Variants in FCHSD2 observed in about 807,000 individuals in gnomAD.
FCHSD2 encodes FCH and double SH3 domains 2, also known as F-BAR and double SH3 domains protein 2.
A neutral mutation model predicts 108.1 loss-of-function variants in FCHSD2; 38 were observed. The observed-to-expected ratio is 0.35, with a 90% CI of 0.27 to 0.46. The LOEUF is 0.46. FCHSD2 is among the 20% of genes least tolerant of loss of function. FCHSD2 has a pLI of 1.00. For synonymous variants in FCHSD2, 279 were observed against 314.7 expected, an observed-to-expected ratio of 0.89 and a Z score of 1.20; for missense variants, 751 against 897.8, an observed-to-expected ratio of 0.84 and a Z score of 2.09.
At chr11:72,961,927 T>C (rs1207453945) in intron 8 of FCHSD2, among the ~76,000 whole-genome samples, 1 of 152,138 alleles carries the variant, frequency 6.6e-6, no homozygotes, top group Non-Finnish European at 1.5e-5. Flanking sequence ...AAGAAAGCTC[T>C]TGGAGAAAAG....
intron 8 of FCHSD2, among the ~76,000 whole-genome samples, chr11:72,978,622 G>T (rs181574020): frequency 6.6e-6 from 1 of 152,140 alleles, no homozygotes; most frequent in East Asian, 1.9e-4. Context: ...TTATAGGAGC[G>T]ATTTCCCTGA....
chr11:72,910,589 G>A (rs1040633513), intron 9 of FCHSD2, among the ~76,000 whole-genome samples: 4 of 152,114 alleles, frequency 2.6e-5, no homozygotes, highest in East Asian at 3.9e-4. Context: ...TAAGGGTGGT[G>A]CAAGATGTGC....
chr11:72,904,205 G>T (rs1266996575), intron 9 of FCHSD2, among the ~76,000 whole-genome samples: 2 of 152,146 alleles, frequency 1.3e-5, no homozygotes, highest in African/African-American at 4.8e-5. Flanking sequence ...AATGTACTTT[G>T]TTCTCTTCTT....
At chr11:73,080,359 T>A (rs1168431696) in intron 3 of FCHSD2, among the ~76,000 whole-genome samples, 1 of 151,640 alleles carries the variant, frequency 6.6e-6, no homozygotes, top group African/African-American at 2.4e-5. Flanking sequence ...AAATTTGACT[T>A]TAACTTTGAC....
chr11:73,105,271 G>A (rs1860316505), intron 2 of FCHSD2, among the ~76,000 whole-genome samples: 1 of 152,120 alleles, frequency 6.6e-6, no homozygotes, highest in Non-Finnish European at 1.5e-5. Context: ...AAAAGGTGGT[G>A]ATAAAAATGA....
At chr11:73,092,805 G>C (rs557111516) in intron 2 of FCHSD2, among the ~76,000 whole-genome samples, 1 of 152,164 alleles carries the variant, frequency 6.6e-6, no homozygotes, top group African/African-American at 2.4e-5. Context: ...GGAGGGCATC[G>C]GAGTATACAG....
intron 13 of FCHSD2, among the ~76,000 whole-genome samples, chr11:72,860,276 A>C (rs1861535424): frequency 6.6e-6 from 1 of 152,210 alleles, no homozygotes; most frequent in African/African-American, 2.4e-5. Context: ...ACTATAACCA[A>C]CCTGACTTAA....
chr11:72,847,913 G>A (rs1861189267), intron 14 of FCHSD2, among the ~76,000 whole-genome samples: 1 of 151,944 alleles, frequency 6.6e-6, no homozygotes, highest in Admixed American at 6.6e-5. Flanking sequence ...GGCCAGTCTT[G>A]AACTCCTAAC....
chr11:73,035,284 C>G (rs977603665), intron 3 of FCHSD2, among the ~76,000 whole-genome samples: 2 of 152,122 alleles, frequency 1.3e-5, no homozygotes, highest in Non-Finnish European at 2.9e-5. Context: ...ACCTCCACAC[C>G]CACCAGGCTC....
chr11:72,935,959 T>C (rs1160196044), intron 8 of FCHSD2, among the ~76,000 whole-genome samples: 3 of 152,224 alleles, frequency 2.0e-5, no homozygotes, highest in African/African-American at 7.2e-5. Context: ...CTGTACTACT[T>C]ATGCTCACCC....
intron 2 of FCHSD2, among the ~76,000 whole-genome samples, chr11:73,103,095 G>C (rs1860261379): frequency 6.6e-6 from 1 of 152,114 alleles, no homozygotes; most frequent in African/African-American, 2.4e-5. Context: ...GCAGTTATTT[G>C]AGGCTGAAGC....
At chr11:73,120,800 A>C (rs1454753122) in intron 2 of FCHSD2, among the ~76,000 whole-genome samples, 1 of 151,980 alleles carries the variant, frequency 6.6e-6, no homozygotes, top group Non-Finnish European at 1.5e-5. Flanking sequence ...CTTGCTCCGA[A>C]AAAGCTCACA....
intron 3 of FCHSD2, among the ~76,000 whole-genome samples, chr11:73,043,660 T>C (rs1350420300): frequency 5.3e-5 from 8 of 152,174 alleles, no homozygotes; most frequent in East Asian, 3.8e-4. Context: ...GGCATATACA[T>C]AGAAGAAATT....
chr11:73,001,973 C>A (rs955606303), intron 4 of FCHSD2, among the ~76,000 whole-genome samples: 4 of 152,150 alleles, frequency 2.6e-5, no homozygotes, highest in African/African-American at 7.2e-5. Flanking sequence ...TATTTATAAA[C>A]ACAATCGATA....
intron 13 of FCHSD2, among the ~76,000 whole-genome samples, chr11:72,857,472 C>G (rs886243133): frequency 3.4e-5 from 4 of 118,240 alleles, no homozygotes; most frequent in Non-Finnish European, 6.6e-5. Context: ...GAGTTTCACT[C>G]TTGTCGCCCA....
intron 8 of FCHSD2, among the ~76,000 whole-genome samples, chr11:72,932,469 T>C (rs891089057): frequency 1.3e-5 from 2 of 152,206 alleles, no homozygotes; most frequent in African/African-American, 4.8e-5. Flanking sequence ...TCTTCACTTA[T>C]TACTCACTCC....
At chr11:73,029,761 A>AAAATTAGG (rs1356024981) in intron 3 of FCHSD2, among the ~76,000 whole-genome samples, 1 of 152,160 alleles carries the variant, frequency 6.6e-6, no homozygotes, top group East Asian at 1.9e-4. Flanking sequence ...CCACACATTG[A>AAAATTAGG]AAATTAGGAC....
At chr11:72,977,508 TGATTTTTAAAATGAGCAAAAGCATCATCA>T (rs1565350578) in intron 8 of FCHSD2, among the ~76,000 whole-genome samples, 1 of 152,190 alleles carries the variant, frequency 6.6e-6, no homozygotes. Flanking sequence ...TCTAATAATC[TGATTTTTAAAATGAGCAAAAGCATCATCA>T]CTGGCCATCA....
At chr11:73,077,330 A>G (rs1859582454) in intron 3 of FCHSD2, among the ~76,000 whole-genome samples, 1 of 152,112 alleles carries the variant, frequency 6.6e-6, no homozygotes. Context: ...ATCATTAGAT[A>G]TTAGGTAAAT....
Sources: gnomAD v4.1 joint callset for allele counts (sites outside exome capture counted in the v4.1 genomes callset) on GRCh38, gnomAD v4.1.1 for gene constraint, MANE v1.5 for transcripts, NCBI Gene and HGNC (gene_info 2026-07-23, HGNC 2026-07-21) for gene names.